PNLDC1: variants seen among roughly 807,000 people sequenced by gnomAD.
PNLDC1 encodes the protein poly(A)-specific ribonuclease PNLDC1.
In PNLDC1, 70 loss-of-function variants were observed where a neutral mutation model predicts 82.0. The ratio of observed to expected loss-of-function variants is 0.85; its 90% confidence interval spans 0.70 to 1.04. The LOEUF is 1.04. Among genes scored for constraint, PNLDC1 ranks in the 50% least tolerant of loss-of-function variants. The pLI is 0.00. For synonymous variants in PNLDC1, 280 were observed against 249.3 expected (o/e 1.12, Z -1.16); for missense variants, 631 against 661.1 (o/e 0.95, Z 0.50).
chr6:159,817,131 G>T lies in PNLDC1; in HGVS notation c.1137G>T (p.Leu379Phe). The change falls in exon 15 of 19, where the codon TTG becomes TTT. Residue 379 changes from leucine (L) to phenylalanine (F), a missense_variant. By Grantham distance (22) the Leu-to-Phe change is conservative. Coordinates refer to ENST00000392167, the MANE Select transcript of PNLDC1 (RefSeq NM_001271862.2). The part of the protein sequence containing the change: ...CGSVLLKVAH[L>F]LLQKIYHIDP... ...TAGTTCTTTTGAAAGTGGCACACTT[G>T]CTTCTACAGAAGATATACCAGTAAG... 7 of 1,612,524 alleles carry T rather than the reference G, an allele frequency of 4.3e-6. No homozygotes were observed. The highest frequency in any genetic ancestry group is 5.9e-6 in the Non-Finnish European group (7 of 1,178,808).
Position 159,820,685 on chromosome 6 carries a change from A to G in PNLDC1, c.*168A>G, listed in dbSNP as rs536292246. 3.1e-6 allele frequency: 2 copies of G among 654,746 alleles called. No homozygotes were observed. The highest frequency in any genetic ancestry group is 1.8e-5 in the South Asian group (1 of 56,106). The allele number at this position is 654,746 out of a possible 1,614,324, so 40.6% of individuals were successfully genotyped here. A position where few individuals can be genotyped will look rare whatever the true frequency, so the allele number is the denominator to read the frequency against. On this transcript the variant is annotated 3_prime_UTR_variant, in exon 19 of 19. Coordinates refer to ENST00000392167, the MANE Select transcript of PNLDC1 (RefSeq NM_001271862.2). ...ATTCTGTCAACACTCTCAATGATAA[A>G]TCAGTCCTTAGATATCGTACCTGTA...
At chr6:159,801,872 T>C (rs1233026115) in intron 3 of PNLDC1, among the ~76,000 whole-genome samples, 1 of 151,940 alleles carries the variant, frequency 6.6e-6, no homozygotes, top group African/African-American at 2.4e-5. Flanking sequence ...TTCATACAGA[T>C]CTATTTGTTG....
At chr6:159,799,966 T>A (rs1239940044), upstream of PNLDC1, among the ~76,000 whole-genome samples, 1 of 152,198 alleles carries the variant, frequency 6.6e-6, no homozygotes, top group African/African-American at 2.4e-5. Context: ...ATTTCACCCT[T>A]TCTGGACTCT....
At chr6:159,805,914 T>C (rs1333566571) in intron 6 of PNLDC1, 69 bp from the exon 7 acceptor site, 2 of 1,150,298 alleles carry the variant, frequency 1.7e-6, no homozygotes, top group African/African-American at 1.5e-5. Flanking sequence ...ACTGCTCTCA[T>C]GTTAACATAG....
chr6:159,809,750 T>C (rs1199352118), intron 9 of PNLDC1, among the ~76,000 whole-genome samples: 3 of 152,152 alleles, frequency 2.0e-5, no homozygotes, highest in African/African-American at 7.2e-5. Context: ...TAAGACTCTT[T>C]GGGGAAACTG....
rs1782009897 is a variant in PNLDC1, at chr6:159,820,653, A to G, written c.*136A>G. The G allele has an allele frequency of 1.3e-6, 1 of 799,112 alleles. No homozygotes were observed. Among genetic ancestry groups the G allele is most frequent in the African/African-American group, 1.7e-5 (1 of 58,978 alleles). The allele number at this position is 799,112 out of a possible 1,614,324, so 49.5% of individuals were successfully genotyped here. ...TTCTAGAAATTCTGTTATGTCCTGA[A>G]CGTGAAATTCTGTCAACACTCTCAA... On this transcript the variant is annotated 3_prime_UTR_variant, in exon 19 of 19. Coordinates refer to ENST00000392167, the MANE Select transcript of PNLDC1 (RefSeq NM_001271862.2).
chr6:159,810,663 C>CACTA (rs1363749958), intron 10 of PNLDC1, among the ~76,000 whole-genome samples: 1 of 152,210 alleles, frequency 6.6e-6, no homozygotes, highest in Non-Finnish European at 1.5e-5. Flanking sequence ...ATCCCACACT[C>CACTA]ACTACGTGCG....
intron 6 of PNLDC1, chr6:159,805,652 C>T: frequency 4.6e-6 from 1 of 216,798 alleles, no homozygotes; most frequent in South Asian, 8.9e-5. Flanking sequence ...GAGACTTTAT[C>T]ACCCCTGAAA....
Position 159,804,562 on chromosome 6 carries a change from G to T in PNLDC1, c.386G>T (p.Gly129Val). The change falls in exon 6 of 19, where the codon GGA becomes GTA. Residue 129 changes from glycine to valine, a missense_variant. Gly to Val is a moderately radical substitution (Grantham distance 109, BLOSUM62 -3). Coordinates refer to ENST00000392167, the MANE Select transcript of PNLDC1 (RefSeq NM_001271862.2). Reference sequence around the variant, plus strand: ...TTCTGTCTTAAGTTTCTCAAAAACGGAATCCCATATATGAATGAAGAACAG... The same window carrying T: ...TTCTGTCTTAAGTTTCTCAAAAACGTAATCCCATATATGAATGAAGAACAG... Reference protein sequence around the residue: ...GFNYNKFLKNGIPYMNEEQEK... With the variant: ...GFNYNKFLKNVIPYMNEEQEK... 2 of 1,602,280 alleles carry T rather than the reference G, an allele frequency of 1.2e-6. No homozygotes were observed. Among genetic ancestry groups the T allele is most frequent in the East Asian group, 2.2e-5 (1 of 44,810 alleles).
intron 3 of PNLDC1, among the ~76,000 whole-genome samples, chr6:159,801,899 A>G (rs979768481): frequency 6.7e-6 from 1 of 148,918 alleles, no homozygotes; most frequent in East Asian, 2.0e-4. Context: ...TTATTAGTTT[A>G]TTTTCTGAGA....
chr6:159,817,834 TG>T (rs1229965104), intron 15 of PNLDC1, among the ~76,000 whole-genome samples: 1 of 152,246 alleles, frequency 6.6e-6, no homozygotes, highest in Non-Finnish European at 1.5e-5. Flanking sequence ...TCTATTAACT[TG>T]GGTACTGCCT....
intron 15 of PNLDC1, 58 bp from the exon 16 acceptor site, chr6:159,818,497 C>T (rs897258509): frequency 2.3e-5 from 34 of 1,477,688 alleles, no homozygotes; most frequent in East Asian, 9.1e-5. Flanking sequence ...TGGCTGTGGC[C>T]GAGGAAGTGG....
In PNLDC1 at chr6:159,811,774, G is replaced by A. The variant is rs1206250078; in HGVS notation, c.927G>A (p.Lys309=). The A allele has an allele frequency of 6.2e-7, 1 of 1,609,846 alleles. No individual in the cohort carries two copies. The highest frequency in any genetic ancestry group is 8.5e-7 in the Non-Finnish European group (1 of 1,176,238). ...TCATTGATACCAAGAGTGTAACAAA[G>A]GATATCTGGAAGGTAATGAATAGAA... ...PVLIDTKSVT[K]DIWKEMNFPR... is the part of the protein sequence containing the mutation. The change falls in exon 11 of 19, where the codon AAG becomes AAA. Residue 309 remains lysine (K), a synonymous_variant. Transcript: ENST00000392167.
upstream of PNLDC1, chr6:159,800,233 G>A (rs1239499186): frequency 3.5e-6 from 5 of 1,421,522 alleles, no homozygotes; most frequent in African/African-American, 1.4e-5. Flanking sequence ...AAGACCCGGC[G>A]GCGCGACGGA....
chr6:159,803,345 T>G, intron 4 of PNLDC1, 35 bp downstream of exon 4: 1 of 1,588,030 alleles, frequency 6.3e-7, no homozygotes, highest in Non-Finnish European at 8.6e-7. Context: ...CATAGGTGCT[T>G]CCCACCTATG....
intron 7 of PNLDC1, among the ~76,000 whole-genome samples, chr6:159,808,021 C>T (rs1781510888): frequency 6.6e-6 from 1 of 151,832 alleles, no homozygotes; most frequent in East Asian, 1.9e-4. Flanking sequence ...TCAAGGGATT[C>T]TCCTGCCTCA....
In PNLDC1 at chr6:159,817,126, C is replaced by T. The variant is rs1279461816; in HGVS notation, c.1132C>T (p.His378Tyr). Residue 378 changes from histidine (H) to tyrosine (Y), a missense_variant, in exon 15 of 19, where the codon CAC becomes TAC. His to Tyr is a moderately conservative substitution (Grantham distance 83). Coordinates refer to ENST00000392167, the MANE Select transcript of PNLDC1 (RefSeq NM_001271862.2). Reference sequence around the variant, plus strand: ...CTTCCTAGTTCTTTTGAAAGTGGCACACTTGCTTCTACAGAAGATATACCA... The same window carrying T: ...CTTCCTAGTTCTTTTGAAAGTGGCATACTTGCTTCTACAGAAGATATACCA... Reference protein sequence around the residue: ...LCGSVLLKVAHLLLQKIYHID... With the variant: ...LCGSVLLKVAYLLLQKIYHID... The T allele has an allele frequency of 1.2e-6, 2 of 1,612,374 alleles. No homozygotes were observed. Among genetic ancestry groups the T allele is most frequent in the Non-Finnish European group, 1.7e-6 (2 of 1,178,758 alleles).
chr6:159,813,879 C>T (rs1781726803), intron 12 of PNLDC1, among the ~76,000 whole-genome samples: 1 of 152,196 alleles, frequency 6.6e-6, no homozygotes, highest in Admixed American at 6.5e-5. Context: ...CTCTCAACCC[C>T]TGCCCCTCAA....
chr6:159,819,400 C>A lies in PNLDC1; in HGVS notation c.1532+48C>A. 6.5e-7 allele frequency: 1 copy of A among 1,533,504 alleles called. No individual in the cohort carries two copies. Among genetic ancestry groups the A allele is most frequent in the Non-Finnish European group, 8.9e-7 (1 of 1,118,582 alleles). 95.0% of individuals were successfully genotyped at this position (1,533,504 alleles called of 1,614,324 possible). ...CTGCCTGTCCTGGGGTCCTGGAGTG[C>A]CCGGGGTCCCAGCATCCCAGCATGG... is the stretch of plus-strand genomic sequence containing the variant. On this transcript the variant is annotated intron_variant, in intron 18 of 18. Transcript: ENST00000392167. The surrounding 1 kb of genome is among the most constrained non-coding windows in gnomAD (Gnocchi z 4.6).
Sources: gnomAD v4.1 joint callset for allele counts (sites outside exome capture counted in the v4.1 genomes callset) on GRCh38, gnomAD v4.1.1 for gene constraint, Gnocchi (gnomAD v3.1) non-coding constraint, MANE v1.5 for transcripts, NCBI Gene and HGNC (gene_info 2026-07-23, HGNC 2026-07-21) for gene names.